Variants in PACRGL observed in about 807,000 individuals in gnomAD.
PACRGL encodes PACRG-like protein.
In PACRGL, 38 loss-of-function variants were observed where a neutral mutation model predicts 34.5. That is an observed-to-expected ratio of 1.10 (90% CI 0.85 to 1.44). The LOEUF (loss-of-function observed/expected upper bound fraction) is 1.44, where lower values mean the gene tolerates loss of function less well. Among genes scored for constraint, PACRGL ranks in the 40% most tolerant of loss-of-function variants. The pLI is 0.00. For missense variants in PACRGL, 305 were observed against 281.4 expected (o/e 1.08, Z -0.60); for synonymous variants, 128 against 100.1 (o/e 1.28, Z -1.66).
chr4:20,763,494 T>C, the PACRGL span, among the ~76,000 whole-genome samples: 3 of 152,182 alleles, frequency 2.0e-5, no homozygotes, highest in Non-Finnish European at 4.4e-5. Context: ...AAACTTTTTA[T>C]GGGCCAGGTC....
rs1748210312 is a variant in PACRGL, at chr4:20,731,542, C to CTGG, written c.*4201_*4202insTGG. The CTGG allele has an allele frequency of 2.0e-6, 2 of 985,236 alleles. No individual in the cohort carries two copies. Among genetic ancestry groups the CTGG allele is most frequent in the Non-Finnish European group, 2.4e-6 (2 of 829,928 alleles). The allele number at this position is 985,236 out of a possible 1,614,324, so 61.0% of individuals were successfully genotyped here. ...CCATTAGTGAGTTCAGTCAAAGAGCCATTTCTTGTCCACATACACTAAAAC... is the reference window on the plus strand; with the variant it reads ...CCATTAGTGAGTTCAGTCAAAGAGCCTGGATTTCTTGTCCACATACACTAAAAC... On this transcript the variant is annotated 3_prime_UTR_variant, in exon 9 of 9. Coordinates refer to ENST00000503585, the MANE Select transcript of PACRGL (RefSeq NM_001258345.3).
At chr4:20,758,995 A>G in the PACRGL span, 3 of 766,690 alleles carry the variant, frequency 3.9e-6, no homozygotes, top group African/African-American at 1.7e-5. Flanking sequence ...CTGCACCAAG[A>G]AAATTAACCA....
intron 7 of PACRGL, among the ~76,000 whole-genome samples, chr4:20,723,224 G>T (rs1437507811): frequency 6.6e-6 from 1 of 152,156 alleles, no homozygotes; most frequent in East Asian, 1.9e-4. Flanking sequence ...CTTCATGTCA[G>T]GGGGTGTGGC....
At chr4:20,734,532 A>C, downstream of PACRGL, 1 of 618,620 alleles carries the variant, frequency 1.6e-6, no homozygotes, top group East Asian at 3.1e-5. Context: ...GAATTTCCTC[A>C]AAAAAACTTT....
the PACRGL span, among the ~76,000 whole-genome samples, chr4:20,764,111 G>T: frequency 6.6e-6 from 1 of 151,896 alleles, no homozygotes; most frequent in Non-Finnish European, 1.5e-5. Context: ...TAACCCTTAT[G>T]GTTCTGTATT....
the PACRGL span, among the ~76,000 whole-genome samples, chr4:20,766,119 T>G: frequency 6.6e-6 from 1 of 152,184 alleles, no homozygotes; most frequent in Admixed American, 6.5e-5. Flanking sequence ...GCATTAAATG[T>G]TTTACATGGA....
chr4:20,725,106 A>G (rs1204666112), intron 8 of PACRGL, among the ~76,000 whole-genome samples: 1 of 152,148 alleles, frequency 6.6e-6, no homozygotes, highest in Non-Finnish European at 1.5e-5. Context: ...TTGAATAAAT[A>G]TAGGGCTTGT....
chr4:20,756,445 G>C (rs537016209), downstream of PACRGL, among the ~76,000 whole-genome samples: 1 of 151,950 alleles, frequency 6.6e-6, no homozygotes, highest in South Asian at 2.1e-4. Flanking sequence ...TTCTTTACCA[G>C]TCTTCCCTGT....
the PACRGL span, chr4:20,758,704 T>G: frequency 1.3e-6 from 1 of 784,026 alleles, no homozygotes; most frequent in South Asian, 1.7e-5. Context: ...ATGCTGTGCA[T>G]TAATTCTTTT....
At chr4:20,757,300 C>T (rs148197629), downstream of PACRGL, among the ~76,000 whole-genome samples, 155 of 152,188 alleles carry the variant, frequency 1.0e-3, no homozygotes, top group African/African-American at 3.4e-3. Context: ...ATTGTTTTGC[C>T]TCCTACAGCA....
chr4:20,727,204 T>G (rs1379255403), intron 8 of PACRGL, 81 bp from the exon 9 acceptor site: 24 of 1,245,466 alleles, frequency 1.9e-5, no homozygotes, highest in Non-Finnish European at 2.7e-5. Context: ...AGATACTTTC[T>G]AGGCATATTC....
intron 5 of PACRGL, among the ~76,000 whole-genome samples, chr4:20,711,702 CG>C (rs1737293057): frequency 6.6e-6 from 1 of 151,840 alleles, no homozygotes; most frequent in African/African-American, 2.4e-5. Context: ...TTTATCATTT[CG>C]AAAAAAGTCA....
chr4:20,701,271 C>G (rs927197736), intron 1 of PACRGL, among the ~76,000 whole-genome samples: 3 of 152,064 alleles, frequency 2.0e-5, no homozygotes, highest in Admixed American at 6.6e-5. Flanking sequence ...GTACACTTTC[C>G]TACCATTGAC....
downstream of PACRGL, among the ~76,000 whole-genome samples, chr4:20,757,336 C>T (rs1303110281): frequency 6.6e-6 from 1 of 152,156 alleles, no homozygotes; most frequent in Non-Finnish European, 1.5e-5. Flanking sequence ...GTCTCCCTGC[C>T]TGCAGTATTG....
intron 8 of PACRGL, among the ~76,000 whole-genome samples, chr4:20,747,648 C>T (rs1387605700): frequency 3.9e-5 from 6 of 152,138 alleles, no homozygotes; most frequent in Non-Finnish European, 7.4e-5. Flanking sequence ...ATTCCTTCTC[C>T]ACTCTCAGCT....
Position 20,704,796 on chromosome 4 carries a change from C to T in PACRGL, c.189C>T (p.Asn63=). Residue 63 remains asparagine, a synonymous_variant, in exon 3 of 9, where the codon AAC becomes AAT. Transcript: ENST00000503585. ...ATCCTAGACCAAGTGATAAACTGAA[C>T]CCTAAAACAATTAATCCGGTAGGTC... ...KLHPRPSDKL[N]PKTINPFGEQ... 1.9e-6 allele frequency: 3 copies of T among 1,614,002 alleles called. No individual in the cohort carries two copies. The South Asian group carries it at 3.3e-5, about 18-fold the overall frequency.
At position 20,731,982 on chromosome 4, in the gene PACRGL, A is replaced by T; in HGVS notation, c.*4641A>T. On this transcript the variant is annotated 3_prime_UTR_variant, in exon 9 of 9. Coordinates refer to ENST00000503585, the MANE Select transcript of PACRGL (RefSeq NM_001258345.3). ...TAGCTGTTATGATAGCTGAATTGAT[A>T]GTTATTACACTTTCATTACTTACTT... The T allele has an allele frequency of 6.2e-7, 1 of 1,612,526 alleles. No individual in the cohort carries two copies. The highest frequency in any genetic ancestry group is 8.5e-7 in the Non-Finnish European group (1 of 1,179,498).
At chr4:20,749,283 C>CCCCA (rs1485993882) in intron 8 of PACRGL, among the ~76,000 whole-genome samples, 3 of 152,104 alleles carry the variant, frequency 2.0e-5, no homozygotes, top group African/African-American at 7.2e-5. Context: ...TGCCTGTGTG[C>CCCCA]CCCACTTACT....
downstream of PACRGL, among the ~76,000 whole-genome samples, chr4:20,753,272 A>G (rs1476309342): frequency 6.6e-6 from 1 of 152,176 alleles, no homozygotes; most frequent in Non-Finnish European, 1.5e-5. Flanking sequence ...TTCCTATACC[A>G]TCTCTTAGAA....
Sources: gnomAD v4.1 joint callset for allele counts (sites outside exome capture counted in the v4.1 genomes callset) on GRCh38, gnomAD v4.1.1 for gene constraint, MANE v1.5 for transcripts, NCBI Gene and HGNC (gene_info 2026-07-23, HGNC 2026-07-21) for gene names.